CCDC88C: variants seen among roughly 807,000 people sequenced by gnomAD.
CCDC88C encodes the protein protein Daple.
A neutral mutation model predicts 198.8 loss-of-function variants in CCDC88C; 131 were observed. The ratio of observed to expected loss-of-function variants is 0.66; its 90% CI spans 0.57 to 0.76. The LOEUF (loss-of-function observed/expected upper bound fraction) is 0.76, where lower values mean the gene tolerates loss of function less well. Among genes scored for constraint, CCDC88C ranks in the 30% least tolerant of loss-of-function variants. The pLI is 0.00. For missense variants in CCDC88C, 2,553 were observed against 2,631.6 expected, an observed-to-expected ratio of 0.97 and a Z score of 0.65; for synonymous variants, 1,166 against 1,114.7, an observed-to-expected ratio of 1.05 and a Z score of -0.92.
At chr14:91,364,973 C>G (rs1054048050) in intron 3 of CCDC88C, among the ~76,000 whole-genome samples, 1 of 152,212 alleles carries the variant, frequency 6.6e-6, no homozygotes, top group Non-Finnish European at 1.5e-5. Context: ...GAAGCTCTGA[C>G]AGGGGAGGAC....
At chr14:91,390,328 C>T (rs74087918) in intron 3 of CCDC88C, among the ~76,000 whole-genome samples, 46 of 152,298 alleles carry the variant, frequency 3.0e-4, no homozygotes, top group Middle Eastern at 3.4e-3. Context: ...ACCCTCCATC[C>T]GCTTAATTTA....
intron 4 of CCDC88C, among the ~76,000 whole-genome samples, chr14:91,355,353 C>A (rs1425657101): frequency 6.6e-6 from 1 of 152,214 alleles, no homozygotes; most frequent in African/African-American, 2.4e-5. Context: ...AGCCTGCACA[C>A]CGCCTCACTA....
chr14:91,319,122 A>C (rs914885771), intron 13 of CCDC88C, among the ~76,000 whole-genome samples: 4 of 152,098 alleles, frequency 2.6e-5, no homozygotes, highest in Non-Finnish European at 5.9e-5. Context: ...TCCTCCCTCG[A>C]CTGGAATCTG....
chr14:91,385,793 G>C (rs1254470989), intron 3 of CCDC88C, among the ~76,000 whole-genome samples: 1 of 146,164 alleles, frequency 6.8e-6, no homozygotes, highest in African/African-American at 2.5e-5. Context: ...GCAAGACCCT[G>C]CCTCTTTAAA....
chr14:91,337,506 A>C lies in CCDC88C; in HGVS notation c.1050+499T>G, dbSNP rs145851883. ...AGGCACGTGGCACTATGCCTGGCTA[A>C]ATTTTTTTATTTTTTGTAGAGACAG... is the stretch of plus-strand genomic sequence containing the variant. On this transcript the variant is annotated intron_variant, in intron 10 of 29. Coordinates refer to ENST00000389857, the MANE Select transcript of CCDC88C (RefSeq NM_001080414.4). 6.9e-3 allele frequency among the ~76,000 whole-genome samples: 1,047 copies of C among 152,222 alleles called. 9 individuals carry two copies. Among genetic ancestry groups the C allele is most frequent in the Non-Finnish European group, 0.011 (733 of 68,008 alleles).
At chr14:91,287,966 C>T (rs1890487084) in intron 25 of CCDC88C, among the ~76,000 whole-genome samples, 1 of 152,174 alleles carries the variant, frequency 6.6e-6, no homozygotes, top group Non-Finnish European at 1.5e-5. Flanking sequence ...ACACCTTTAA[C>T]GTCTTGGAAA....
chr14:91,282,254 G>A (rs927913778), intron 26 of CCDC88C, among the ~76,000 whole-genome samples: 2 of 152,132 alleles, frequency 1.3e-5, no homozygotes, highest in African/African-American at 4.8e-5. Context: ...CAGACTCAAG[G>A]TTCTACATGC....
At position 91,288,942 on chromosome 14, in the gene CCDC88C, G is replaced by A. The variant is rs1015095078; in HGVS notation, c.4441+163C>T. 45 of 594,450 alleles carry A rather than the reference G, an allele frequency of 7.6e-5. No homozygotes were observed. Among genetic ancestry groups the A allele is most frequent in the South Asian group, 4.7e-4 (22 of 46,922 alleles). 36.8% of individuals were successfully genotyped at this position (594,450 alleles called of 1,614,324 possible). A position where few individuals can be genotyped will look rare whatever the true frequency, so the allele number is the denominator to read the frequency against. ...AAAAGCATTATGGGACAAAACGGTCGCCACGCTGAATTTCTACTTGGCTCG... is the reference window on the plus strand; with the variant it reads ...AAAAGCATTATGGGACAAAACGGTCACCACGCTGAATTTCTACTTGGCTCG... On this transcript the variant is annotated intron_variant, in intron 25 of 29. Transcript: ENST00000389857. The surrounding 1 kb of genome is among the most constrained non-coding windows in gnomAD (Gnocchi z 4.2).
chr14:91,402,239 G>A (rs1285461367), intron 3 of CCDC88C, among the ~76,000 whole-genome samples: 2 of 152,144 alleles, frequency 1.3e-5, no homozygotes, highest in Non-Finnish European at 2.9e-5. Flanking sequence ...TCATACCACT[G>A]CACTTTGGCC....
At chr14:91,315,921 T>C (rs1892072312) in intron 13 of CCDC88C, 134 bp from the exon 14 acceptor site, 1 of 871,770 alleles carries the variant, frequency 1.1e-6, no homozygotes, top group Non-Finnish European at 1.7e-6. Context: ...CCTGACATCA[T>C]TCTGTAGCAA....
chr14:91,295,635 C>T (rs568963385), intron 22 of CCDC88C, among the ~76,000 whole-genome samples: 9 of 152,356 alleles, frequency 5.9e-5, no homozygotes, highest in African/African-American at 2.2e-4. Context: ...GGGCAACAAA[C>T]CAACCCAATG....
chr14:91,338,297 T>TGTGCCACCAC lies in CCDC88C; in HGVS notation c.892-144_892-135dup, dbSNP rs1213285852. 9.0e-7 allele frequency: 1 copy of TGTGCCACCAC among 1,114,196 alleles called. No individual in the cohort carries two copies. Among genetic ancestry groups the TGTGCCACCAC allele is most frequent in the African/African-American group, 1.6e-5 (1 of 64,426 alleles). 69.0% of individuals were successfully genotyped at this position (1,114,196 alleles called of 1,614,324 possible). ...AGCTCCTGGTGGCCGGGGGCCTCCA[T>TGTGCCACCAC]GTGCCACCACCACACGGGATCTCCA... On this transcript the variant is annotated intron_variant, in intron 9 of 29. Coordinates refer to ENST00000389857, the MANE Select transcript of CCDC88C (RefSeq NM_001080414.4). This position sits in a 1 kb window ranked among gnomAD's most constrained non-coding sequence, Gnocchi z 4.8.
chr14:91,398,999 C>G (rs749559144), intron 3 of CCDC88C, among the ~76,000 whole-genome samples: 1 of 152,188 alleles, frequency 6.6e-6, no homozygotes, highest in Non-Finnish European at 1.5e-5. Flanking sequence ...TGCTGGTGCC[C>G]TCTCTCCTCA....
chr14:91,318,560 G>T (rs1316707542), intron 13 of CCDC88C, among the ~76,000 whole-genome samples: 1 of 152,214 alleles, frequency 6.6e-6, no homozygotes, highest in Non-Finnish European at 1.5e-5. Context: ...AGGGACAAGA[G>T]TGAGGAGCCT....
At chr14:91,390,928 A>G (rs946532905) in intron 3 of CCDC88C, among the ~76,000 whole-genome samples, 2 of 152,172 alleles carry the variant, frequency 1.3e-5, no homozygotes, top group African/African-American at 4.8e-5. Flanking sequence ...GGGCTCTGGG[A>G]CAAGGTTCCC....
intron 3 of CCDC88C, among the ~76,000 whole-genome samples, chr14:91,373,459 A>G (rs542074286): frequency 6.6e-6 from 1 of 152,310 alleles, no homozygotes; most frequent in African/African-American, 2.4e-5. Flanking sequence ...TCCAGCATGG[A>G]TAAATAAGAC....
chr14:91,356,047 C>A (rs1894026988), intron 4 of CCDC88C, among the ~76,000 whole-genome samples: 1 of 152,192 alleles, frequency 6.6e-6, no homozygotes, highest in African/African-American at 2.4e-5. Context: ...TCAAAAAGCA[C>A]ACACATGCCC....
intron 10 of CCDC88C, among the ~76,000 whole-genome samples, chr14:91,327,799 C>T (rs1228854797): frequency 6.6e-6 from 1 of 152,234 alleles, no homozygotes; most frequent in Non-Finnish European, 1.5e-5. Flanking sequence ...ACCGCCAGCA[C>T]TCCCCAGCAT....
intron 25 of CCDC88C, among the ~76,000 whole-genome samples, chr14:91,285,169 T>TA (rs1412311067): frequency 2.6e-5 from 4 of 152,136 alleles, no homozygotes; most frequent in Non-Finnish European, 5.9e-5. Context: ...ATAAGGGCCT[T>TA]ACCGGAAAAG....
Sources: allele counts gnomAD v4.1 joint callset (sites outside exome capture counted in the v4.1 genomes callset), GRCh38; gene constraint gnomAD v4.1.1; non-coding constraint Gnocchi (gnomAD v3.1); transcripts MANE v1.5; gene names NCBI Gene and HGNC (gene_info 2026-07-23, HGNC 2026-07-21).